DLGAP4: variants seen among roughly 807,000 people sequenced by gnomAD.
DLGAP4 encodes the protein disks large-associated protein 4.
Under a neutral mutation model 86.9 loss-of-function variants are expected in DLGAP4, and 18 were observed. The ratio of observed to expected loss-of-function variants is 0.21; its 90% CI spans 0.14 to 0.31. DLGAP4 has a LOEUF of 0.31. Ranked by LOEUF, DLGAP4 falls within the 10% of genes least tolerant of loss-of-function variation. DLGAP4 has a pLI of 1.00. For missense variants in DLGAP4, 1,085 were observed against 1,362.6 expected (o/e 0.80, Z 3.21); for synonymous variants, 548 against 574.3 (o/e 0.95, Z 0.65).
At chr20:36,469,251 C>T (rs181716117) in intron 7 of DLGAP4, among the ~76,000 whole-genome samples, 37 of 152,168 alleles carry the variant, frequency 2.4e-4, no homozygotes, top group African/African-American at 7.7e-4. Context: ...AGTTTCTGAC[C>T]TCCCAGAGTC....
At chr20:36,366,900 TG>T in intron 1 of DLGAP4, 144 bp from the exon 2 acceptor site, 1 of 152,238 alleles carries the variant, frequency 6.6e-6, no homozygotes, top group Non-Finnish European at 1.5e-5. Context: ...CTCTGGAAAA[TG>T]TAGTGTTGTG....
intron 8 of DLGAP4, chr20:36,499,201 TTCG>T: frequency 6.4e-7 from 1 of 1,569,638 alleles, no homozygotes. Context: ...TTCTTTCTCT[TTCG>T]TCGTCCTTTT....
intron 1 of DLGAP4, among the ~76,000 whole-genome samples, chr20:36,330,904 A>G (rs966909122): frequency 6.6e-6 from 1 of 152,100 alleles, no homozygotes; most frequent in Admixed American, 6.6e-5. Context: ...AGTTTTTATC[A>G]CAGTGCCTTG....
At position 36,500,420 on chromosome 20, in the gene DLGAP4, C is replaced by T. The variant is rs368916003; in HGVS notation, c.2321C>T (p.Ala774Val). The change falls in exon 10 of 13, where the codon GCG (alanine) becomes GTG (valine). Residue 774 changes from alanine to valine, a missense_variant. By Grantham distance (64) the Ala-to-Val change is moderately conservative (BLOSUM62 0). Around this residue, in one of 2 missense-constraint regions of DLGAP4, gnomAD observed 1,082 missense variants for 1,344.1 expected, o/e 0.81. Transcript: ENST00000339266. This position sits in a 1 kb window ranked among gnomAD's most constrained non-coding sequence, Gnocchi z 4.6. Reference sequence around the variant, plus strand: ...GACAACAGCGACCCTGCCCTAGAGGCGTCCTCGCTGCCCCCACCCGACCCC... The same window carrying T: ...GACAACAGCGACCCTGCCCTAGAGGTGTCCTCGCTGCCCCCACCCGACCCC... ...YGDNSDPALE[A>V]SSLPPPDPWL... 13 of 1,578,790 alleles carry T rather than the reference C, an allele frequency of 8.2e-6. No homozygotes were observed. The highest frequency in any genetic ancestry group is 2.3e-5 in the East Asian group (1 of 44,098).
At chr20:36,356,495 A>T (rs1301793152) in intron 1 of DLGAP4, among the ~76,000 whole-genome samples, 1 of 152,056 alleles carries the variant, frequency 6.6e-6, no homozygotes, top group Admixed American at 6.6e-5. Context: ...TATTTTTAGT[A>T]GAGACGAGGT....
intron 7 of DLGAP4, chr20:36,462,549 C>G (rs759398243): frequency 3.1e-6 from 5 of 1,602,154 alleles, no homozygotes; most frequent in East Asian, 2.3e-5. Flanking sequence ...CTCTGGGTCT[C>G]TGACCCCCAT....
At chr20:36,372,521 CT>C (rs763253874) in intron 2 of DLGAP4, among the ~76,000 whole-genome samples, 3,234 of 139,958 alleles carry the variant, frequency 0.023, 101 homozygotes, top group Admixed American at 0.1. Flanking sequence ...CCAGGATTTG[CT>C]TTTTTTTTTT....
intron 7 of DLGAP4, among the ~76,000 whole-genome samples, chr20:36,488,896 A>G (rs964251194): frequency 1.3e-5 from 2 of 152,208 alleles, no homozygotes; most frequent in Non-Finnish European, 2.9e-5. Flanking sequence ...TTAATATACT[A>G]TTGATTCATT....
intron 2 of DLGAP4, among the ~76,000 whole-genome samples, chr20:36,400,205 T>G (rs2032116830): frequency 6.6e-6 from 1 of 152,264 alleles, no homozygotes; most frequent in South Asian, 2.1e-4. Context: ...AAGGATGTGC[T>G]TCTTCTGTTG....
intron 7 of DLGAP4, among the ~76,000 whole-genome samples, chr20:36,456,313 C>A (rs533275918): frequency 2.0e-5 from 3 of 152,290 alleles, no homozygotes; most frequent in Non-Finnish European, 2.9e-5. Flanking sequence ...TCCATTGCCC[C>A]CTGTGCGTGG....
intron 10 of DLGAP4, among the ~76,000 whole-genome samples, chr20:36,513,675 A>G (rs1418689512): frequency 6.6e-6 from 1 of 152,152 alleles, no homozygotes; most frequent in East Asian, 1.9e-4. Context: ...GGATTTAACA[A>G]TCTGTGTAAG....
At chr20:36,409,926 C>T (rs1237880048) in intron 2 of DLGAP4, among the ~76,000 whole-genome samples, 2 of 137,044 alleles carry the variant, frequency 1.5e-5, no homozygotes, top group Non-Finnish European at 1.6e-5. Context: ...CCCAGCTACT[C>T]GGGAGGCTGA....
Position 36,400,788 on chromosome 20 carries a change from C to T in DLGAP4, c.-72-30858C>T, listed in dbSNP as rs552391733. On this transcript the variant is annotated intron_variant, in intron 2 of 12. Coordinates refer to ENST00000339266, the MANE Select transcript of DLGAP4 (RefSeq NM_001365621.2). ...GAATCTGGGGGCAGAAGACCAGTGA[C>T]GTGCCTGGAACAGGGGAATGGGAGT... Among the ~76,000 whole-genome samples the T allele has an allele frequency of 8.0e-4, 121 of 151,052 alleles. 2 individuals carry two copies. The highest frequency in any genetic ancestry group is 3.4e-3 in the Middle Eastern group (1 of 294).
intron 11 of DLGAP4, among the ~76,000 whole-genome samples, chr20:36,525,216 CAAAAAAAAAAAAAAAAAAAA>C (rs1159616185): frequency 1.2e-3 from 33 of 28,506 alleles, no homozygotes; most frequent in African/African-American, 2.8e-3. Flanking sequence ...GACTCCGTCT[CAAAAAAAAAAAAAAAAAAAA>C]AAAAAAAAAA....
chr20:36,461,391 G>T, intron 7 of DLGAP4: 1 of 926,584 alleles, frequency 1.1e-6, no homozygotes, highest in Non-Finnish European at 1.3e-6. Context: ...CCCTGACGAC[G>T]CGCGCGCGGC....
chr20:36,387,549 C>T (rs1029366282), intron 2 of DLGAP4, among the ~76,000 whole-genome samples: 1 of 152,102 alleles, frequency 6.6e-6, no homozygotes, highest in Admixed American at 6.5e-5. Context: ...TTCTTTGCAA[C>T]TTCTTTAAGA....
At chr20:36,378,933 G>C (rs2031266789) in intron 2 of DLGAP4, among the ~76,000 whole-genome samples, 2 of 152,122 alleles carry the variant, frequency 1.3e-5, no homozygotes, top group African/African-American at 4.8e-5. Context: ...CTCGTGCCAG[G>C]GACTGGGGAA....
intron 2 of DLGAP4, among the ~76,000 whole-genome samples, chr20:36,397,253 A>G (rs2032026997): frequency 6.6e-6 from 1 of 152,212 alleles, no homozygotes; most frequent in Admixed American, 6.5e-5. Context: ...GTCTCACTCC[A>G]TTTAGACTTG....
chr20:36,516,684 A>AG (rs2037058040), intron 10 of DLGAP4, among the ~76,000 whole-genome samples: 1 of 151,832 alleles, frequency 6.6e-6, no homozygotes, highest in African/African-American at 2.4e-5. Context: ...AAAAAAAAAA[A>AG]AAAAAAATTG....
Sources: gnomAD v4.1 joint callset for allele counts (sites outside exome capture counted in the v4.1 genomes callset) on GRCh38, gnomAD v4.1.1 for gene constraint, gnomAD v4.1.1 regional missense constraint, Gnocchi (gnomAD v3.1) non-coding constraint, MANE v1.5 for transcripts, NCBI Gene and HGNC (gene_info 2026-07-23, HGNC 2026-07-21) for gene names.